SMPD3: variants seen among roughly 807,000 people sequenced by gnomAD.
SMPD3 encodes the protein sphingomyelin phosphodiesterase 3.
A neutral mutation model predicts 55.7 loss-of-function variants in SMPD3; 21 were observed. The ratio of observed to expected loss-of-function variants is 0.38; its 90% CI spans 0.27 to 0.54. The LOEUF (loss-of-function observed/expected upper bound fraction) is 0.54. SMPD3 is among the 20% of genes least tolerant of loss of function. The pLI is 0.80. For missense variants in SMPD3, 842 were observed against 899.6 expected (o/e 0.94, Z 0.82); for synonymous variants, 457 against 404.3 (o/e 1.13, Z -1.56).
chr16:68,401,167 A>G (rs1464306756), intron 1 of SMPD3, among the ~76,000 whole-genome samples: 1 of 152,194 alleles, frequency 6.6e-6, no homozygotes, highest in Non-Finnish European at 1.5e-5. Context: ...GTCATGCTCC[A>G]AAGTCTGGGC....
intron 1 of SMPD3, among the ~76,000 whole-genome samples, chr16:68,393,346 G>A (rs1190884860): frequency 6.6e-6 from 1 of 152,188 alleles, no homozygotes; most frequent in East Asian, 1.9e-4. Flanking sequence ...CAATGTTGCA[G>A]TGAGCTGAGA....
chr16:68,413,519 A>G (rs2090317687), intron 1 of SMPD3, among the ~76,000 whole-genome samples: 1 of 151,632 alleles, frequency 6.6e-6, no homozygotes, highest in Admixed American at 6.6e-5. Context: ...AATCATTCAG[A>G]AAACATAGAA....
At chr16:68,418,076 T>C (rs2090353331) in intron 1 of SMPD3, among the ~76,000 whole-genome samples, 1 of 152,194 alleles carries the variant, frequency 6.6e-6, no homozygotes, top group Non-Finnish European at 1.5e-5. Flanking sequence ...CTCAAGAAAG[T>C]GCCCTATCAT....
Position 68,363,790 on chromosome 16 carries a change from C to T in SMPD3, c.1632G>A (p.Lys544=). 6.4e-7 allele frequency: 1 copy of T among 1,566,922 alleles called. No homozygotes were observed. The highest frequency in any genetic ancestry group is 8.7e-7 in the Non-Finnish European group (1 of 1,155,750). ...GCCCCAGCTCACCGATGGCCCACGG[C>T]TTCTCCTCACCAGGCCCCAGGCGGC... ...DPCRLGPGEE[K]PWAIGTLLDT... Residue 544 remains lysine, a synonymous_variant, in exon 6 of 9, where the codon AAG becomes AAA. Coordinates refer to ENST00000219334, the MANE Select transcript of SMPD3 (RefSeq NM_018667.4).
At chr16:68,432,035 A>G (rs1391367647) in intron 1 of SMPD3, among the ~76,000 whole-genome samples, 2 of 152,196 alleles carry the variant, frequency 1.3e-5, no homozygotes, top group African/African-American at 4.8e-5. Context: ...GAATCACTTG[A>G]ACCAGGAAGG....
intron 3 of SMPD3, among the ~76,000 whole-genome samples, chr16:68,366,763 A>G (rs2089491063): frequency 2.6e-5 from 4 of 152,160 alleles, no homozygotes; most frequent in Admixed American, 2.6e-4. Context: ...TAATCCCAGC[A>G]TTTTGGGAGG....
intron 7 of SMPD3, among the ~76,000 whole-genome samples, chr16:68,363,041 T>C (rs974762576): frequency 6.6e-6 from 1 of 152,198 alleles, no homozygotes; most frequent in African/African-American, 2.4e-5. Flanking sequence ...GATGGAACTG[T>C]CTCTACTTTG....
intron 2 of SMPD3, among the ~76,000 whole-genome samples, chr16:68,383,300 A>G (rs35808102): frequency 0.071 from 10,827 of 152,226 alleles, 571 homozygotes; most frequent in African/African-American, 0.14. Context: ...GGGGGTCTGG[A>G]TGGCAACCCA....
chr16:68,401,256 G>A (rs1195497415), intron 1 of SMPD3, among the ~76,000 whole-genome samples: 2 of 152,190 alleles, frequency 1.3e-5, no homozygotes, highest in African/African-American at 4.8e-5. Flanking sequence ...GAGGGGAGGG[G>A]CATGCCATAT....
chr16:68,430,415 G>T (rs1205205795), intron 1 of SMPD3, among the ~76,000 whole-genome samples: 1 of 152,204 alleles, frequency 6.6e-6, no homozygotes, highest in African/African-American at 2.4e-5. Context: ...CAATTTCATA[G>T]ATGTCAATAA....
chr16:68,442,590 G>T (rs1041038131), intron 1 of SMPD3, among the ~76,000 whole-genome samples: 4 of 152,132 alleles, frequency 2.6e-5, no homozygotes, highest in African/African-American at 4.8e-5. Flanking sequence ...GCAATTAATT[G>T]CACTTTCTCA....
intron 1 of SMPD3, among the ~76,000 whole-genome samples, chr16:68,420,610 C>T (rs905846301): frequency 2.6e-5 from 4 of 152,200 alleles, no homozygotes; most frequent in Non-Finnish European, 5.9e-5. Flanking sequence ...GCAGGCCTGC[C>T]TCCTCCAGCT....
At chr16:68,432,230 C>T (rs79304266) in intron 1 of SMPD3, among the ~76,000 whole-genome samples, 2,734 of 152,262 alleles carry the variant, frequency 0.018, 50 homozygotes, top group South Asian at 0.055. Context: ...ACAAAAGTTA[C>T]GTGACTTGTT....
At chr16:68,370,788 GCAGCCCCCCTGCCTA>G in intron 3 of SMPD3, 56 bp downstream of exon 3, 1 of 1,577,264 alleles carries the variant, frequency 6.3e-7, no homozygotes, top group Non-Finnish European at 8.6e-7. Flanking sequence ...ACTCCCCGCT[GCAGCCCCCCTGCCTA>G]CATGGCTCTA....
intron 1 of SMPD3, among the ~76,000 whole-genome samples, chr16:68,439,903 G>T (rs1944265046): frequency 6.6e-6 from 1 of 152,194 alleles, no homozygotes; most frequent in Non-Finnish European, 1.5e-5. Flanking sequence ...CTTGTAAAGT[G>T]CTGTAAACAC....
intron 3 of SMPD3, chr16:68,369,296 G>C (rs968112218): frequency 2.0e-5 from 3 of 152,218 alleles, no homozygotes; most frequent in Non-Finnish European, 4.4e-5. Flanking sequence ...GACCCAGGAG[G>C]TAGAGGAAGA....
chr16:68,378,945 G>C (rs1412864671), intron 2 of SMPD3, among the ~76,000 whole-genome samples: 1 of 152,212 alleles, frequency 6.6e-6, no homozygotes, highest in Non-Finnish European at 1.5e-5. Flanking sequence ...GTTGAGCTCT[G>C]ATCTCCCCGC....
chr16:68,431,173 C>A (rs937647059), intron 1 of SMPD3, among the ~76,000 whole-genome samples: 1 of 152,116 alleles, frequency 6.6e-6, no homozygotes, highest in Non-Finnish European at 1.5e-5. Context: ...AGCCAGGCCA[C>A]CAAGTCTCAC....
intron 8 of SMPD3, 42 bp from the exon 9 acceptor site, chr16:68,361,349 C>T: frequency 6.4e-7 from 1 of 1,574,558 alleles, no homozygotes; most frequent in Non-Finnish European, 8.7e-7. Flanking sequence ...TGGTCAGATT[C>T]CAAGGGCATC....
Sources: gnomAD v4.1 joint callset for allele counts (sites outside exome capture counted in the v4.1 genomes callset) on GRCh38, gnomAD v4.1.1 for gene constraint, MANE v1.5 for transcripts, NCBI Gene and HGNC (gene_info 2026-07-23, HGNC 2026-07-21) for gene names.